DENND2A: variants seen among roughly 807,000 people sequenced by gnomAD.
DENND2A encodes the protein DENN domain containing 2A.
A neutral mutation model predicts 105.3 loss-of-function variants in DENND2A; 53 were observed. The observed-to-expected ratio is 0.50, with a 90% confidence interval of 0.40 to 0.63. DENND2A has a LOEUF of 0.63. Ranked by LOEUF, DENND2A falls within the 30% of genes least tolerant of loss-of-function variation. The pLI, the probability that DENND2A is intolerant of heterozygous loss-of-function variation, is 0.00. For synonymous variants in DENND2A, 522 were observed against 508.4 expected, an observed-to-expected ratio of 1.03 and a Z score of -0.36; for missense variants, 1,138 against 1,279.6, an observed-to-expected ratio of 0.89 and a Z score of 1.69.
At chr7:140,640,922 C>G (rs1801181112), upstream of DENND2A, 2 of 152,084 alleles carry the variant, frequency 1.3e-5, no homozygotes, top group African/African-American at 2.4e-5. The surrounding 1 kb of genome is among the most constrained non-coding windows in gnomAD (Gnocchi z 4.9). Context: ...CAGGGCCCGG[C>G]CCCGCGCGGA....
chr7:140,545,798 C>G (rs1363310815), intron 13 of DENND2A, among the ~76,000 whole-genome samples: 1 of 152,192 alleles, frequency 6.6e-6, no homozygotes, highest in African/African-American at 2.4e-5. Context: ...GGATTTCACT[C>G]TTAGTGTTGC....
At chr7:140,558,921 GC>G (rs1797503647) in intron 10 of DENND2A, among the ~76,000 whole-genome samples, 1 of 151,360 alleles carries the variant, frequency 6.6e-6, no homozygotes, top group Admixed American at 6.6e-5. Flanking sequence ...TCCTGCCCCA[GC>G]GCCTGCCACC....
At chr7:140,579,575 TAGAGA>T (rs1798450225) in intron 5 of DENND2A, among the ~76,000 whole-genome samples, 1 of 151,830 alleles carries the variant, frequency 6.6e-6, no homozygotes, top group African/African-American at 2.4e-5. Flanking sequence ...GTATTTTCAG[TAGAGA>T]CGAGGTTTTG....
intron 14 of DENND2A, among the ~76,000 whole-genome samples, chr7:140,531,672 G>A (rs1325515633): frequency 1.3e-5 from 2 of 151,498 alleles, no homozygotes; most frequent in South Asian, 2.1e-4. Context: ...AAAACGAGTC[G>A]GGCATGGTGG....
chr7:140,621,942 G>A (rs567659240), intron 1 of DENND2A, among the ~76,000 whole-genome samples: 4 of 152,132 alleles, frequency 2.6e-5, no homozygotes, highest in Non-Finnish European at 5.9e-5. Flanking sequence ...TGAATGAAAA[G>A]CAACACTGGC....
At position 140,521,281 on chromosome 7, in the gene DENND2A, C is replaced by CT. The variant is rs910891661; in HGVS notation, c.2911+573dup. On this transcript the variant is annotated intron_variant, in intron 18 of 19. Coordinates refer to ENST00000496613, the MANE Select transcript of DENND2A (RefSeq NM_015689.5). Reference sequence around the variant, plus strand: ...TCTCCAATCAGTTTTCTTTTTCTTTCTTTTTTTTTTGTGACGGAGTCTCAC... The same window carrying CT: ...TCTCCAATCAGTTTTCTTTTTCTTTCTTTTTTTTTTTGTGACGGAGTCTCAC... Among the ~76,000 whole-genome samples the CT allele has an allele frequency of 1.9e-3, 284 of 148,832 alleles. 1 individual carries two copies. Among genetic ancestry groups the CT allele is most frequent in the African/African-American group, 5.5e-3 (222 of 40,676 alleles).
At chr7:140,639,225 G>A (rs1369984862) in intron 1 of DENND2A, among the ~76,000 whole-genome samples, 3 of 152,020 alleles carry the variant, frequency 2.0e-5, no homozygotes, top group Admixed American at 6.6e-5. Flanking sequence ...GGTGGTGGGC[G>A]CCTGTAATCC....
rs565073836 is a variant in DENND2A at position 140,568,839 on chromosome 7, A to G, written c.1541-26T>C. On this transcript the variant is annotated intron_variant, in intron 7 of 19. Coordinates refer to ENST00000496613, the MANE Select transcript of DENND2A (RefSeq NM_015689.5). ...CTAGAAGAAAAGAACAAGGAAGAAA[A>G]TTGCAAATGTGAGTTCTTCTCATGT... 1.1e-5 allele frequency: 18 copies of G among 1,612,960 alleles called. 1 individual carries two copies. The South Asian group carries it at 1.6e-4, about 15-fold the overall frequency.
chr7:140,566,989 G>A, intron 9 of DENND2A, 97 bp downstream of exon 9: 3 of 1,129,252 alleles, frequency 2.7e-6, no homozygotes, highest in Non-Finnish European at 2.5e-6. Context: ...TAGATGCTAG[G>A]TGTTCCTCAG....
At chr7:140,608,388 G>T (rs988614298) in intron 1 of DENND2A, among the ~76,000 whole-genome samples, 8 of 152,134 alleles carry the variant, frequency 5.3e-5, no homozygotes, top group Non-Finnish European at 1.2e-4. Flanking sequence ...ATTAGCAGTT[G>T]TTAACTGGCT....
chr7:140,540,736 T>TA (rs1245223349), intron 14 of DENND2A, among the ~76,000 whole-genome samples: 6 of 151,688 alleles, frequency 4.0e-5, no homozygotes, highest in Admixed American at 2.6e-4. Flanking sequence ...TTTTTTTTTT[T>TA]AGACAGGGTC....
rs764720501 is a variant in DENND2A, at chr7:140,518,706, G to C, written c.*1C>G. On this transcript the variant is annotated 3_prime_UTR_variant, in exon 20 of 20. Coordinates refer to ENST00000496613, the MANE Select transcript of DENND2A (RefSeq NM_015689.5). ...AGGAAGTTTTCCCTTGAGGCTGAGA[G>C]TTATTTCTTGTGGAGAAATTTCATT... 26 of 1,613,528 alleles carry C rather than the reference G, an allele frequency of 1.6e-5. No individual in the cohort carries two copies. The highest frequency in any genetic ancestry group is 2.2e-5 in the Non-Finnish European group (26 of 1,179,472).
intron 10 of DENND2A, among the ~76,000 whole-genome samples, 166 bp from the exon 11 acceptor site, chr7:140,558,378 T>C (rs1434295051): frequency 1.3e-5 from 2 of 152,188 alleles, no homozygotes; most frequent in Admixed American, 1.3e-4. Context: ...GAGACACTGG[T>C]CACCCATAGC....
At chr7:140,534,097 TTTTTTG>T (rs1243972819) in intron 14 of DENND2A, among the ~76,000 whole-genome samples, 1 of 141,426 alleles carries the variant, frequency 7.1e-6, no homozygotes, top group Non-Finnish European at 1.5e-5. Flanking sequence ...TTTTTTTTTT[TTTTTTG>T]AGATGGAGTC....
chr7:140,588,867 C>T (rs1436672897), intron 3 of DENND2A, among the ~76,000 whole-genome samples: 1 of 151,710 alleles, frequency 6.6e-6, no homozygotes, highest in African/African-American at 2.4e-5. Flanking sequence ...CTCAGCCTCC[C>T]GAGGAGCTGG....
chr7:140,556,251 C>T (rs147564563), intron 11 of DENND2A, among the ~76,000 whole-genome samples: 4,232 of 152,142 alleles, frequency 0.028, 197 homozygotes, highest in African/African-American at 0.093. Context: ...CTCCTGACCT[C>T]ATGATCTGCC....
At chr7:140,545,525 A>G (rs905545798) in intron 13 of DENND2A, among the ~76,000 whole-genome samples, 8 of 151,872 alleles carry the variant, frequency 5.3e-5, no homozygotes, top group Non-Finnish European at 1.0e-4. Context: ...TAATTTTTGT[A>G]TTTTTAGTAG....
At chr7:140,555,603 C>T (rs2130557353) in intron 12 of DENND2A, 33 bp downstream of exon 12, 4 of 1,606,798 alleles carry the variant, frequency 2.5e-6, no homozygotes, top group African/African-American at 2.7e-5. Flanking sequence ...CCCGTTCCTT[C>T]CCTTCCTCTT....
Position 140,527,327 on chromosome 7 carries a change from C to T in DENND2A, c.2496G>A (p.Pro832=), listed in dbSNP as rs376931201. 5.7e-6 allele frequency: 9 copies of T among 1,584,400 alleles called. No individual in the cohort carries two copies. Among genetic ancestry groups the T allele is most frequent in the African/African-American group, 4.0e-5 (3 of 74,652 alleles). ...SSSLPLLREL[P]LEEVLVVDLV... is the part of the protein sequence containing the mutation. ...CTGAGTGGGAGCTCACCTCTTCCAG[C>T]GGCAGCTCCCTGAGCAGTGGCAGCG... Residue 832 remains proline (P), a synonymous_variant, in exon 15 of 20, where the codon CCG becomes CCA. Transcript: ENST00000496613. The surrounding 1 kb of genome is among the most constrained non-coding windows in gnomAD (Gnocchi z 4.9).
Sources: allele counts gnomAD v4.1 joint callset (sites outside exome capture counted in the v4.1 genomes callset), GRCh38; gene constraint gnomAD v4.1.1; non-coding constraint Gnocchi (gnomAD v3.1); transcripts MANE v1.5; gene names NCBI Gene and HGNC (gene_info 2026-07-23, HGNC 2026-07-21).